ZNF266: variants seen among roughly 807,000 people sequenced by gnomAD.
The protein encoded by ZNF266 is zinc finger protein 1.
In ZNF266, 16 loss-of-function variants were observed where a neutral mutation model predicts 16.4. The observed-to-expected ratio is 0.98, with a 90% CI of 0.66 to 1.48. ZNF266 has a LOEUF of 1.48. ZNF266 is among the 40% of genes most tolerant of loss of function. The pLI, the probability that ZNF266 is intolerant of heterozygous loss-of-function variation, is 0.00. For synonymous variants in ZNF266, 262 were observed against 237.9 expected (o/e 1.10, Z -0.93); for missense variants, 738 against 689.1 (o/e 1.07, Z -0.79).
In ZNF266 at chr19:9,433,015, C is replaced by T. The variant is rs548839033; in HGVS notation, c.-130+653G>A. On this transcript the variant is annotated intron_variant, in intron 5 of 10. Transcript: ENST00000592904. Reference sequence around the variant, plus strand: ...AGTTCCAGAATGAAAATGGCCAGAGCCCATCCTAACAGCTCAGGGCACACA... The same window carrying T: ...AGTTCCAGAATGAAAATGGCCAGAGTCCATCCTAACAGCTCAGGGCACACA... Among the ~76,000 whole-genome samples, 25 of 152,246 alleles carry T rather than the reference C, an allele frequency of 1.6e-4. 1 individual carries two copies. In the South Asian group the frequency reaches 1.7e-3, roughly 10 times the overall value.
chr19:9,429,306 G>A (rs2071235810), intron 5 of ZNF266, among the ~76,000 whole-genome samples: 1 of 152,080 alleles, frequency 6.6e-6, no homozygotes, highest in Non-Finnish European at 1.5e-5. Flanking sequence ...ACTAACATTA[G>A]ATTGTCCCAG....
Position 9,435,490 on chromosome 19 carries a change from A to G in ZNF266, c.-764T>C. 1 of 152,302 alleles carries G rather than the reference A, an allele frequency of 6.6e-6. No individual in the cohort carries two copies. The highest frequency in any genetic ancestry group is 1.5e-5 in the Non-Finnish European group (1 of 68,130). 9.4% of individuals were successfully genotyped at this position (152,302 alleles called of 1,614,324 possible). A position where few individuals can be genotyped will look rare whatever the true frequency, so the allele number is the denominator to read the frequency against. The stretch of plus-strand genomic sequence containing the variant: ...ACCGCTGGCTCCCACCCGTCATCCG[A>G]CCTCGCCAAAGCTGTATTAAGCCCA... On this transcript the variant is annotated 5_prime_UTR_variant, in exon 1 of 11. Transcript: ENST00000592904.
At chr19:9,423,519 C>T (rs1351791031) in intron 5 of ZNF266, among the ~76,000 whole-genome samples, 1 of 152,142 alleles carries the variant, frequency 6.6e-6, no homozygotes, top group Non-Finnish European at 1.5e-5. Flanking sequence ...CATCACACAC[C>T]CCATCACTCA....
intron 5 of ZNF266, among the ~76,000 whole-genome samples, chr19:9,430,336 C>T (rs60618235): frequency 0.56 from 85,501 of 151,740 alleles, 24,317 homozygotes; most frequent in Middle Eastern, 0.63. Flanking sequence ...TCCTGGATGC[C>T]AGTCCTCCTG....
At chr19:9,423,812 A>G (rs1401820233) in intron 5 of ZNF266, among the ~76,000 whole-genome samples, 1 of 152,152 alleles carries the variant, frequency 6.6e-6, no homozygotes, top group Non-Finnish European at 1.5e-5. Context: ...CCCGGCCAAC[A>G]TGGTGAAACC....
At chr19:9,424,015 AGAATTGAT>A (rs2070331582) in intron 5 of ZNF266, among the ~76,000 whole-genome samples, 1 of 152,062 alleles carries the variant, frequency 6.6e-6, no homozygotes, top group Admixed American at 6.6e-5. Context: ...ACAAAAAAAT[AGAATTGAT>A]GGGTGAAGGT....
chr19:9,414,813 TATC>T (rs2068739075), intron 10 of ZNF266, 93 bp from the exon 11 acceptor site: 1 of 1,372,808 alleles, frequency 7.3e-7, no homozygotes, highest in East Asian at 2.3e-5. Flanking sequence ...TGATGATTAT[TATC>T]ATGTTTACCA....
Position 9,435,535 on chromosome 19 carries a change from C to G in ZNF266, c.-809G>C, listed in dbSNP as rs910920023. 2.0e-5 allele frequency: 3 copies of G among 152,220 alleles called. No individual in the cohort carries two copies. The highest frequency in any genetic ancestry group is 1.3e-4 in the Admixed American group (2 of 15,274). 9.4% of individuals were successfully genotyped at this position (152,220 alleles called of 1,614,324 possible). ...AGCCCAAACGCCACCAGGAAGAAAA[C>G]GGGTTTGGCGGCGCGGAGAAAGCGC... On this transcript the variant is annotated 5_prime_UTR_variant, in exon 1 of 11. Transcript: ENST00000592904.
In ZNF266 at chr19:9,416,728, G is replaced by C. The variant is rs187368992; in HGVS notation, c.317-986C>G. Among the ~76,000 whole-genome samples, 448 of 111,176 alleles carry C rather than the reference G, an allele frequency of 4.0e-3. 7 individuals are homozygous for C. The highest frequency in any genetic ancestry group is 4.8e-3 in the East Asian group (16 of 3,314). The allele number at this position is 111,176 out of a possible 152,430, so 72.9% of individuals were successfully genotyped here. On this transcript the variant is annotated intron_variant, in intron 9 of 10. Transcript: ENST00000592904. ...GCTCTCTCACCCCAGCTGGAGTTCAGCGGCACGATCTTGGCTCATTGCAAC... is the reference window on the plus strand; with the variant it reads ...GCTCTCTCACCCCAGCTGGAGTTCACCGGCACGATCTTGGCTCATTGCAAC...
At chr19:9,418,725 T>C (rs2059085) in intron 7 of ZNF266, 94 bp from the exon 8 acceptor site, 17,462 of 654,346 alleles carry the variant, frequency 0.027, 356 homozygotes, top group Admixed American at 0.068. Context: ...AGGGCTCACA[T>C]TGCCCACCCC....
At chr19:9,424,129 C>T (rs1373749115) in intron 5 of ZNF266, among the ~76,000 whole-genome samples, 2 of 151,814 alleles carry the variant, frequency 1.3e-5, no homozygotes, top group Admixed American at 1.3e-4. Flanking sequence ...GAAAATGCCC[C>T]CCCCAGGGGG....
At chr19:9,421,257 C>T (rs1461031591) in intron 5 of ZNF266, among the ~76,000 whole-genome samples, 1 of 152,164 alleles carries the variant, frequency 6.6e-6, no homozygotes, top group Non-Finnish European at 1.5e-5. Context: ...TGAGGTCACA[C>T]TGGGTTACAG....
In ZNF266 at chr19:9,413,620, G is replaced by C. The variant is rs147377924; in HGVS notation, c.1506C>G (p.Pro502=). 9.8e-5 allele frequency: 158 copies of C among 1,613,918 alleles called. 1 individual carries two copies. The highest frequency in any genetic ancestry group is 1.1e-4 in the Non-Finnish European group (135 of 1,180,012). ...GHLRIHTGEK[P]FECLECGKAF... ...CTTTACCACATTCCAGGCACTCAAA[G>C]GGCTTCTCTCCAGTGTGAATTCTCA... Residue 502 remains proline (P), a synonymous_variant, in exon 11 of 11, where the codon CCC becomes CCG. Transcript: ENST00000592904.
intron 10 of ZNF266, 26 bp from the exon 11 acceptor site, chr19:9,414,746 T>C (rs2068728897): frequency 1.3e-6 from 2 of 1,526,272 alleles, no homozygotes; most frequent in Non-Finnish European, 8.8e-7. Flanking sequence ...TGAATGATGA[T>C]TAAAGGACGG....
chr19:9,414,248 T>A lies in ZNF266; in HGVS notation c.878A>T (p.Tyr293Phe). 1 of 1,614,216 alleles carries A rather than the reference T, an allele frequency of 6.2e-7. No homozygotes were observed. The part of the protein sequence containing the change: ...ECGKGFRYSA[Y>F]LNIHMGTHTG... ...GTGGGTTCCCATGTGAATATTAAGG[T>A]ATGCAGAATATCTAAATCCTTTTCC... is the stretch of plus-strand genomic sequence containing the variant. The change falls in exon 11 of 11, where the codon TAC (tyrosine) becomes TTC (phenylalanine). Residue 293 changes from tyrosine (Y) to phenylalanine (F), a missense_variant. Physicochemically the swap from Tyr to Phe is conservative, Grantham distance 22 (BLOSUM62 3). Transcript: ENST00000592904.
chr19:9,431,860 T>C (rs1310669176), intron 5 of ZNF266, among the ~76,000 whole-genome samples: 1 of 152,202 alleles, frequency 6.6e-6, no homozygotes, highest in Non-Finnish European at 1.5e-5. Context: ...CACCCTCCTG[T>C]TGAGCGCACG....
intron 5 of ZNF266, among the ~76,000 whole-genome samples, chr19:9,421,920 C>T (rs1044471099): frequency 2.6e-5 from 4 of 151,888 alleles, no homozygotes; most frequent in Non-Finnish European, 5.9e-5. Flanking sequence ...GGCGCGATCT[C>T]GGCTCACTGC....
chr19:9,424,231 A>G (rs910752139), intron 5 of ZNF266, among the ~76,000 whole-genome samples: 5 of 145,518 alleles, frequency 3.4e-5, no homozygotes, highest in African/African-American at 1.4e-4. Context: ...AAAAAAAAAA[A>G]AAAAAAAAAA....
intron 9 of ZNF266, among the ~76,000 whole-genome samples, chr19:9,417,053 T>C (rs1239561088): frequency 2.0e-5 from 3 of 152,260 alleles, no homozygotes; most frequent in Non-Finnish European, 2.9e-5. Flanking sequence ...GTATGAGAAG[T>C]TGAAGATTTC....
Sources: allele counts gnomAD v4.1 joint callset (sites outside exome capture counted in the v4.1 genomes callset), GRCh38; gene constraint gnomAD v4.1.1; transcripts MANE v1.5; gene names NCBI Gene and HGNC (gene_info 2026-07-23, HGNC 2026-07-21).